Variants in TTLL7 observed in about 807,000 individuals in gnomAD.
TTLL7 encodes the protein tubulin polyglutamylase TTLL7.
Under a neutral mutation model 120.2 loss-of-function variants are expected in TTLL7, and 53 were observed. The observed-to-expected ratio is 0.44, with a 90% CI of 0.35 to 0.55. TTLL7 has a LOEUF of 0.55. Ranked by LOEUF, TTLL7 falls within the 20% of genes least tolerant of loss-of-function variation. The pLI is 0.00. For missense variants in TTLL7, 803 were observed against 1,054.7 expected, an observed-to-expected ratio of 0.76 and a Z score of 3.31; for synonymous variants, 353 against 351.7, an observed-to-expected ratio of 1.00 and a Z score of -0.04.
chr1:83,972,879 G>A (rs1651120584), intron 1 of TTLL7, among the ~76,000 whole-genome samples: 1 of 152,008 alleles, frequency 6.6e-6, no homozygotes, highest in African/African-American at 2.4e-5. Context: ...CTTCTTTAGT[G>A]AGATATCTGT....
At chr1:83,979,262 A>G (rs930113337) in intron 1 of TTLL7, 2 of 152,232 alleles carry the variant, frequency 1.3e-5, no homozygotes, top group African/African-American at 4.8e-5. Flanking sequence ...AGGAATGTTG[A>G]CTGACTGGGG....
chr1:83,938,248 A>G (rs1647603977), intron 7 of TTLL7, among the ~76,000 whole-genome samples: 2 of 152,222 alleles, frequency 1.3e-5, no homozygotes, highest in African/African-American at 4.8e-5. Context: ...TATTCGAAAT[A>G]TATCTACCAT....
At chr1:83,988,313 C>T (rs1365451405) in intron 1 of TTLL7, among the ~76,000 whole-genome samples, 1 of 152,180 alleles carries the variant, frequency 6.6e-6, no homozygotes, top group African/African-American at 2.4e-5. Context: ...CATGTCTTTG[C>T]TATTGTGAAT....
intron 1 of TTLL7, among the ~76,000 whole-genome samples, chr1:83,997,810 A>T (rs1653622937): frequency 6.6e-6 from 1 of 152,198 alleles, no homozygotes; most frequent in African/African-American, 2.4e-5. Flanking sequence ...TTTTTAATCG[A>T]CTTCTCCAAC....
chr1:83,950,125 T>C (rs1444217277), intron 3 of TTLL7, 139 bp from the exon 4 acceptor site: 1 of 776,852 alleles, frequency 1.3e-6, no homozygotes, highest in African/African-American at 1.8e-5. Context: ...TTATTTTTAG[T>C]TACAACAGTT....
At chr1:83,870,422 T>C (rs112645912) in intron 20 of TTLL7, among the ~76,000 whole-genome samples, 67 of 152,272 alleles carry the variant, frequency 4.4e-4, no homozygotes, top group African/African-American at 1.5e-3. Flanking sequence ...AACACGTGAT[T>C]TGAGAATTTG....
intron 10 of TTLL7, among the ~76,000 whole-genome samples, chr1:83,927,120 C>T (rs563960965): frequency 3.2e-4 from 48 of 152,224 alleles, no homozygotes; most frequent in East Asian, 1.9e-4. Flanking sequence ...ATGGAATATC[C>T]TGAACAATTT....
intron 10 of TTLL7, 96 bp from the exon 11 acceptor site, chr1:83,921,490 C>T (rs925281517): frequency 6.7e-6 from 9 of 1,335,308 alleles, no homozygotes; most frequent in Non-Finnish European, 8.2e-6. Flanking sequence ...CATAGTGAAG[C>T]TCAGAATCAA....
At chr1:83,939,454 T>C (rs1647727527) in intron 7 of TTLL7, among the ~76,000 whole-genome samples, 1 of 152,224 alleles carries the variant, frequency 6.6e-6, no homozygotes, top group African/African-American at 2.4e-5. Flanking sequence ...ACAGTATCTT[T>C]GTAAATGGAT....
intron 1 of TTLL7, among the ~76,000 whole-genome samples, chr1:83,957,150 T>C (rs1294344949): frequency 1.3e-5 from 2 of 152,196 alleles, no homozygotes; most frequent in African/African-American, 2.4e-5. Context: ...GATTTATTCT[T>C]TCCACCCCTA....
At chr1:83,971,339 G>C (rs745685158) in intron 1 of TTLL7, among the ~76,000 whole-genome samples, 7 of 152,068 alleles carry the variant, frequency 4.6e-5, no homozygotes, top group Non-Finnish European at 4.4e-5. Context: ...CTGATTCTTA[G>C]CAAGGCCTAA....
intron 3 of TTLL7, among the ~76,000 whole-genome samples, chr1:83,950,780 G>A (rs1648966496): frequency 6.6e-6 from 1 of 152,118 alleles, no homozygotes; most frequent in Admixed American, 6.5e-5. Context: ...TTGGGGAAAG[G>A]AATATTCCTC....
chr1:83,882,014 C>T (rs535130971), intron 20 of TTLL7, among the ~76,000 whole-genome samples: 258 of 145,668 alleles, frequency 1.8e-3, no homozygotes, highest in African/African-American at 6.4e-3. Context: ...CGCATATTCT[C>T]ACTCATAGGT....
At chr1:83,961,725 G>T (rs1650034850) in intron 1 of TTLL7, among the ~76,000 whole-genome samples, 1 of 151,924 alleles carries the variant, frequency 6.6e-6, no homozygotes, top group Admixed American at 6.6e-5. Flanking sequence ...AGCCTCTTTG[G>T]GCATATTTCT....
intron 18 of TTLL7, among the ~76,000 whole-genome samples, chr1:83,892,995 GGGAGA>G (rs146209525): frequency 0.033 from 4,822 of 145,846 alleles, 284 homozygotes; most frequent in African/African-American, 0.12. Context: ...GGGAGGGGAG[GGGAGA>G]GGAGAGGAGA....
intron 12 of TTLL7, 150 bp downstream of exon 12, chr1:83,920,937 C>A: frequency 1.2e-6 from 1 of 830,534 alleles, no homozygotes; most frequent in East Asian, 2.7e-5. Context: ...TCCCTGCTGA[C>A]TACCTTTCTT....
At chr1:83,930,284 T>C (rs975446481) in intron 9 of TTLL7, among the ~76,000 whole-genome samples, 1 of 152,154 alleles carries the variant, frequency 6.6e-6, no homozygotes, top group Admixed American at 6.6e-5. Context: ...TTCCAAGCTT[T>C]TCTCTTAATA....
intron 5 of TTLL7, 104 bp downstream of exon 5, chr1:83,948,524 T>C: frequency 1.2e-6 from 1 of 801,450 alleles, no homozygotes; most frequent in Non-Finnish European, 2.0e-6. Flanking sequence ...CACTCTCATC[T>C]AAATATCATT....
At chr1:83,992,624 TC>T (rs1653103316) in intron 1 of TTLL7, among the ~76,000 whole-genome samples, 1 of 152,104 alleles carries the variant, frequency 6.6e-6, no homozygotes, top group African/African-American at 2.4e-5. Context: ...GCTCCATTTT[TC>T]ACATTGTAAA....
Sources: gnomAD v4.1 joint callset for allele counts (sites outside exome capture counted in the v4.1 genomes callset) on GRCh38, gnomAD v4.1.1 for gene constraint, MANE v1.5 for transcripts, NCBI Gene and HGNC (gene_info 2026-07-23, HGNC 2026-07-21) for gene names.